Variants in TTC28 observed in about 807,000 individuals in gnomAD.
TTC28 encodes tetratricopeptide repeat domain 28.
In TTC28, 61 loss-of-function variants were observed where a neutral mutation model predicts 198.0. That is an observed-to-expected ratio of 0.31 (90% CI 0.25 to 0.38). TTC28 has a LOEUF of 0.38. Ranked by LOEUF, TTC28 falls within the 10% of genes least tolerant of loss-of-function variation. The pLI, the probability that TTC28 is intolerant of heterozygous loss-of-function variation, is 1.00. For missense variants in TTC28, 2,678 were observed against 3,164.0 expected, an observed-to-expected ratio of 0.85 and a Z score of 3.69; for synonymous variants, 1,171 against 1,297.8, an observed-to-expected ratio of 0.90 and a Z score of 2.10.
chr22:28,448,962 G>A (rs1009400869), intron 2 of TTC28, among the ~76,000 whole-genome samples: 4 of 152,120 alleles, frequency 2.6e-5, no homozygotes, highest in African/African-American at 9.7e-5. Flanking sequence ...AAATGAACCA[G>A]ATGATTTTGC....
chr22:28,545,827 A>G (rs2049528369), intron 2 of TTC28, among the ~76,000 whole-genome samples: 1 of 152,222 alleles, frequency 6.6e-6, no homozygotes, highest in African/African-American at 2.4e-5. Flanking sequence ...AAGAAACTAA[A>G]TAAGATATTT....
chr22:28,409,742 C>T (rs540541517), intron 2 of TTC28, among the ~76,000 whole-genome samples: 2 of 151,110 alleles, frequency 1.3e-5, no homozygotes, highest in Non-Finnish European at 3.0e-5. Context: ...GCGCAACCTC[C>T]GCCTCCCGGG....
At chr22:28,466,855 A>ACACACACACACACC (rs912322558) in intron 2 of TTC28, among the ~76,000 whole-genome samples, 1 of 147,722 alleles carries the variant, frequency 6.8e-6, no homozygotes, top group Non-Finnish European at 1.5e-5. Context: ...ACACACACAC[A>ACACACACACACACC]CCCCTATGCC....
chr22:28,466,855 A>ACACACC (rs912322558), intron 2 of TTC28, among the ~76,000 whole-genome samples: 82 of 147,832 alleles, frequency 5.5e-4, no homozygotes, highest in African/African-American at 1.2e-3. Flanking sequence ...ACACACACAC[A>ACACACC]CCCCTATGCC....
chr22:28,228,988 C>G (rs2147222984), intron 5 of TTC28, among the ~76,000 whole-genome samples: 1 of 152,004 alleles, frequency 6.6e-6, no homozygotes, highest in Middle Eastern at 3.4e-3. Flanking sequence ...AACCCCATCT[C>G]TACTAAAAAT....
intron 5 of TTC28, among the ~76,000 whole-genome samples, chr22:28,252,878 G>C (rs1251733565): frequency 1.3e-5 from 2 of 152,086 alleles, no homozygotes; most frequent in African/African-American, 4.8e-5. Context: ...AGCATAAAAT[G>C]GGTAAAAAAA....
chr22:28,019,287 C>T (rs1304392873), intron 13 of TTC28, among the ~76,000 whole-genome samples: 1 of 152,174 alleles, frequency 6.6e-6, no homozygotes, highest in Non-Finnish European at 1.5e-5. Flanking sequence ...ATCAATCCAA[C>T]TGGAACTTCT....
chr22:28,588,830 C>A (rs1012890394), intron 2 of TTC28, among the ~76,000 whole-genome samples: 6 of 152,118 alleles, frequency 3.9e-5, no homozygotes, highest in Non-Finnish European at 2.9e-5. Context: ...GGACACCTGA[C>A]CCTGACAGCC....
chr22:28,446,238 T>G (rs747294017), intron 2 of TTC28, among the ~76,000 whole-genome samples: 1 of 151,178 alleles, frequency 6.6e-6, no homozygotes, highest in Non-Finnish European at 1.5e-5. Context: ...GAACAAATAC[T>G]CAATATTTTT....
chr22:28,405,406 C>A (rs1440437135), intron 2 of TTC28, among the ~76,000 whole-genome samples: 1 of 152,080 alleles, frequency 6.6e-6, no homozygotes. Context: ...GGTCACAGAG[C>A]CTTCCTTCAA....
chr22:28,459,290 G>T (rs2047912648), intron 2 of TTC28, among the ~76,000 whole-genome samples: 1 of 152,042 alleles, frequency 6.6e-6, no homozygotes, highest in Non-Finnish European at 1.5e-5. Flanking sequence ...AATTACCCAG[G>T]CATGGTGGTG....
chr22:28,381,559 T>G (rs538941815), intron 2 of TTC28, among the ~76,000 whole-genome samples: 10 of 152,302 alleles, frequency 6.6e-5, no homozygotes, highest in Non-Finnish European at 1.3e-4. Context: ...CTACAAATGT[T>G]AGTATAGAGA....
intron 2 of TTC28, among the ~76,000 whole-genome samples, chr22:28,603,517 A>G (rs1412553706): frequency 6.6e-6 from 1 of 152,150 alleles, no homozygotes; most frequent in Non-Finnish European, 1.5e-5. Flanking sequence ...CCTCCCAAGT[A>G]GCTGGGACTA....
At chr22:28,535,051 T>G (rs2049237224) in intron 2 of TTC28, among the ~76,000 whole-genome samples, 1 of 151,904 alleles carries the variant, frequency 6.6e-6, no homozygotes, top group African/African-American at 2.4e-5. Flanking sequence ...ACCCTAGAAC[T>G]TCAAGTATAA....
chr22:28,096,890 C>T (rs557725031), intron 10 of TTC28, among the ~76,000 whole-genome samples: 4 of 152,064 alleles, frequency 2.6e-5, no homozygotes, highest in Non-Finnish European at 4.4e-5. Context: ...CTGCAATCTC[C>T]GCCCCCTGGG....
chr22:28,021,051 C>T (rs1001499007), intron 13 of TTC28, among the ~76,000 whole-genome samples: 4 of 152,224 alleles, frequency 2.6e-5, no homozygotes, highest in African/African-American at 4.8e-5. Context: ...AGGTCTCCCA[C>T]GTGAAGAACA....
chr22:28,119,138 A>G (rs1333161227), intron 6 of TTC28, among the ~76,000 whole-genome samples: 1 of 152,196 alleles, frequency 6.6e-6, no homozygotes, highest in African/African-American at 2.4e-5. Flanking sequence ...CTGTGAGCAG[A>G]ATCAGAAGAT....
At chr22:28,394,919 G>A (rs893047111) in intron 2 of TTC28, among the ~76,000 whole-genome samples, 1 of 152,056 alleles carries the variant, frequency 6.6e-6, no homozygotes, top group Non-Finnish European at 1.5e-5. Flanking sequence ...GTAATACTAT[G>A]ACTATGTGCT....
chr22:28,069,404 A>G (rs571439264), intron 12 of TTC28, among the ~76,000 whole-genome samples: 8 of 152,262 alleles, frequency 5.3e-5, no homozygotes, highest in African/African-American at 1.2e-4. Flanking sequence ...TGACACATGG[A>G]AAGTGCCCAA....
Sources: gnomAD v4.1 joint callset for allele counts (sites outside exome capture counted in the v4.1 genomes callset) on GRCh38, gnomAD v4.1.1 for gene constraint, MANE v1.5 for transcripts, NCBI Gene and HGNC (gene_info 2026-07-23, HGNC 2026-07-21) for gene names.